Variants in SPATA19 observed in about 807,000 individuals in gnomAD.
The protein encoded by SPATA19 is spermatogenesis associated 19.
In SPATA19, 19 loss-of-function variants were observed where a neutral mutation model predicts 25.0. That is an observed-to-expected ratio of 0.76 (90% CI 0.53 to 1.11). The LOEUF is 1.11. SPATA19 is among the 50% of genes most tolerant of loss of function. The pLI, the probability that SPATA19 is intolerant of heterozygous loss-of-function variation, is 0.00. For missense variants in SPATA19, 222 were observed against 211.4 expected (o/e 1.05, Z -0.31); for synonymous variants, 64 against 69.3 (o/e 0.92, Z 0.38).
chr11:133,844,026 G>A (rs574004986), intron 4 of SPATA19, among the ~76,000 whole-genome samples: 5 of 152,354 alleles, frequency 3.3e-5, no homozygotes, highest in Admixed American at 2.6e-4. Context: ...GAAATGGAGT[G>A]CAAGCCCAGT....
At chr11:133,841,859 C>T (rs995359598) in intron 6 of SPATA19, among the ~76,000 whole-genome samples, 171 bp downstream of exon 6, 10 of 152,190 alleles carry the variant, frequency 6.6e-5, no homozygotes, top group African/African-American at 1.2e-4. Context: ...AGAGGCGTTG[C>T]GGGAGCCTAA....
chr11:133,844,273 C>G lies in SPATA19; in HGVS notation c.332G>C (p.Arg111Thr), dbSNP rs747755616. 3 of 1,614,150 alleles carry G rather than the reference C, an allele frequency of 1.9e-6. No homozygotes were observed. In the South Asian group the frequency reaches 3.3e-5, roughly 18 times the overall value. ...ANQSQEVLEE[R>T]TRIQFIRWSH... Reference sequence around the variant, plus strand: ...CCATCTTATGAACTGGATTCGTGTTCTCTCCTCTAGGACCTCTTGGCTCTG... The same window carrying G: ...CCATCTTATGAACTGGATTCGTGTTGTCTCCTCTAGGACCTCTTGGCTCTG... Residue 111 changes from arginine to threonine, a missense_variant, in exon 4 of 7, where the codon AGA becomes ACA. Transcript: ENST00000299140.
chr11:133,840,560 G>A (rs1938283469), downstream of SPATA19: 1 of 152,216 alleles, frequency 6.6e-6, no homozygotes, highest in Non-Finnish European at 1.5e-5. Context: ...CCCAGAGCCA[G>A]GCCTGTGAGG....
chr11:133,842,615 C>G, intron 4 of SPATA19, 53 bp from the exon 5 acceptor site: 1 of 1,382,870 alleles, frequency 7.2e-7, no homozygotes, highest in Admixed American at 1.7e-5. Context: ...TCTTTCTTAA[C>G]AGGCATAGAG....
intron 6 of SPATA19, 103 bp downstream of exon 6, chr11:133,841,927 G>A: frequency 8.7e-7 from 1 of 1,153,574 alleles, no homozygotes. Context: ...CCCCAGTAGG[G>A]AAAAGCTAAG....
chr11:133,839,104 A>G (rs1346304557), downstream of SPATA19, among the ~76,000 whole-genome samples: 5 of 152,228 alleles, frequency 3.3e-5, no homozygotes, highest in Non-Finnish European at 2.9e-5. Context: ...TAGTTCAACC[A>G]TTGTGGAAGT....
At chr11:133,840,447 C>G (rs1486122493), downstream of SPATA19, among the ~76,000 whole-genome samples, 1 of 152,180 alleles carries the variant, frequency 6.6e-6, no homozygotes, top group African/African-American at 2.4e-5. Context: ...CCTGCCCCAG[C>G]CACAGAGCAC....
At chr11:133,837,012 AC>A (rs1352477357), downstream of SPATA19, among the ~76,000 whole-genome samples, 3 of 152,216 alleles carry the variant, frequency 2.0e-5, no homozygotes, top group Non-Finnish European at 2.9e-5. Context: ...GTGCTTGGAT[AC>A]ATTTCAAGTC....
At chr11:133,842,664 C>G (rs1938334973) in intron 4 of SPATA19, 102 bp from the exon 5 acceptor site, 1 of 921,940 alleles carries the variant, frequency 1.1e-6, no homozygotes, top group Non-Finnish European at 1.8e-6. Context: ...ATGACTCTTG[C>G]CCTGACACCA....
chr11:133,836,758 C>T (rs1368506815), downstream of SPATA19, among the ~76,000 whole-genome samples: 2 of 152,192 alleles, frequency 1.3e-5, no homozygotes, highest in Non-Finnish European at 2.9e-5. Flanking sequence ...GTGTAAAATT[C>T]ATCTGCCTCA....
In SPATA19 at chr11:133,844,272, T is replaced by C. The variant is rs546747852; in HGVS notation, c.333A>G (p.Arg111=). 2 of 1,614,152 alleles carry C rather than the reference T, an allele frequency of 1.2e-6. No individual in the cohort carries two copies. The highest frequency in any genetic ancestry group is 1.3e-5 in the African/African-American group (1 of 75,024). Residue 111 remains arginine, a synonymous_variant, in exon 4 of 7, where the codon AGA becomes AGG. Coordinates refer to ENST00000299140, the MANE Select transcript of SPATA19 (RefSeq NM_174927.3). ...TCCATCTTATGAACTGGATTCGTGTTCTCTCCTCTAGGACCTCTTGGCTCT... is the reference window on the plus strand; with the variant it reads ...TCCATCTTATGAACTGGATTCGTGTCCTCTCCTCTAGGACCTCTTGGCTCT... ...ANQSQEVLEE[R]TRIQFIRWSH... is the part of the protein sequence containing the mutation.
intron 5 of SPATA19, 25 bp from the exon 6 acceptor site, chr11:133,842,130 C>T: frequency 6.2e-7 from 1 of 1,611,820 alleles, no homozygotes. Flanking sequence ...GGAGAAGGGC[C>T]AGGTGGAGGG....
chr11:133,842,258 A>G (rs1241407056), intron 5 of SPATA19, among the ~76,000 whole-genome samples, 153 bp from the exon 6 acceptor site: 2 of 152,246 alleles, frequency 1.3e-5, no homozygotes, highest in Admixed American at 1.3e-4. Context: ...GAACAGGCCC[A>G]CAGCCTGAAG....
At chr11:133,844,440 C>A in intron 3 of SPATA19, 69 bp downstream of exon 3, 1 of 1,611,924 alleles carries the variant, frequency 6.2e-7, no homozygotes. Context: ...GAATCATTTA[C>A]GGTGCACCTC....
chr11:133,836,972 TA>T, downstream of SPATA19, among the ~76,000 whole-genome samples: 1 of 152,188 alleles, frequency 6.6e-6, no homozygotes, highest in Non-Finnish European at 1.5e-5. Flanking sequence ...ATAATAATAC[TA>T]ATATCTATGC....
chr11:133,844,151 C>T, intron 4 of SPATA19, 95 bp downstream of exon 4: 1 of 1,013,040 alleles, frequency 9.9e-7, no homozygotes, highest in Admixed American at 1.7e-5. Context: ...CCAAAGACGA[C>T]ATCTCTAGAG....
chr11:133,843,845 G>A lies in SPATA19; in HGVS notation c.359+401C>T, dbSNP rs117628948. Among the ~76,000 whole-genome samples the A allele has an allele frequency of 7.3e-3, 1,117 of 152,332 alleles. 11 individuals are homozygous for A. Among genetic ancestry groups the A allele is most frequent in the Non-Finnish European group, 0.011 (767 of 68,024 alleles). On this transcript the variant is annotated intron_variant, in intron 4 of 6. Transcript: ENST00000299140. ...GGCGAAGCCACCATAACCGAGTGCA[G>A]AATTCTAGCCTCGGGCGCTGGGAAG... is the stretch of plus-strand genomic sequence containing the variant.
Position 133,845,162 on chromosome 11 carries a change from A to G in SPATA19, c.107T>C (p.Val36Ala). 6.2e-7 allele frequency: 1 copy of G among 1,614,186 alleles called. No homozygotes were observed. Among genetic ancestry groups the G allele is most frequent in the Non-Finnish European group, 8.5e-7 (1 of 1,180,030 alleles). The change falls in exon 2 of 7, where the codon GTG becomes GCG. Residue 36 changes from valine to alanine, a missense_variant. By Grantham distance (64) the Val-to-Ala change is moderately conservative (BLOSUM62 0). Coordinates refer to ENST00000299140, the MANE Select transcript of SPATA19 (RefSeq NM_174927.3). ...SDIDVVESEA[V>A]SVLHHWLKKT... ...TTTCAACCAATGATGTAGTACAGAC[A>G]CAGCCTCACTTTCCACAACGTCAAT...
chr11:133,836,361 G>T (rs1000053889), downstream of SPATA19, among the ~76,000 whole-genome samples: 1 of 152,186 alleles, frequency 6.6e-6, no homozygotes, highest in Admixed American at 6.5e-5. Context: ...GAAAGTCCAG[G>T]TGTCCTGGCC....
Sources: allele counts gnomAD v4.1 joint callset (sites outside exome capture counted in the v4.1 genomes callset), GRCh38; gene constraint gnomAD v4.1.1; transcripts MANE v1.5; gene names NCBI Gene and HGNC (gene_info 2026-07-23, HGNC 2026-07-21).